The following CSNK2A2IP variants were observed in gnomAD, a reference collection of about 807,000 sequenced individuals.
The protein encoded by CSNK2A2IP is casein kinase II subunit alpha'-interacting protein.
the CSNK2A2IP span, among the ~76,000 whole-genome samples, chr3:88,426,592 C>T: frequency 6.6e-6 from 1 of 152,180 alleles, no homozygotes; most frequent in Non-Finnish European, 1.5e-5. Context: ...GTAATTTAAT[C>T]ATGGGGGGCA....
the CSNK2A2IP span, among the ~76,000 whole-genome samples, chr3:88,400,854 A>C: frequency 6.6e-6 from 1 of 152,206 alleles, no homozygotes; most frequent in Non-Finnish European, 1.5e-5. Flanking sequence ...ACAAGAAACT[A>C]ATGTAAAAGT....
chr3:88,445,944 T>TTC, the CSNK2A2IP span, among the ~76,000 whole-genome samples: 7 of 136,828 alleles, frequency 5.1e-5, no homozygotes, highest in Admixed American at 5.0e-4. Context: ...CTTTCTTTCT[T>TTC]TCTCTCTCTC....
At chr3:88,395,488 A>G in the CSNK2A2IP span, among the ~76,000 whole-genome samples, 1 of 152,232 alleles carries the variant, frequency 6.6e-6, no homozygotes, top group African/African-American at 2.4e-5. Flanking sequence ...TTACCTGTAC[A>G]TCTAATTTAG....
chr3:88,427,231 C>T, the CSNK2A2IP span, among the ~76,000 whole-genome samples: 3 of 152,156 alleles, frequency 2.0e-5, no homozygotes, highest in African/African-American at 7.2e-5. Flanking sequence ...AGAGGCTGCC[C>T]TTGCCCTAGA....
At chr3:88,403,419 A>G in the CSNK2A2IP span, among the ~76,000 whole-genome samples, 5 of 152,140 alleles carry the variant, frequency 3.3e-5, no homozygotes, top group Non-Finnish European at 7.4e-5. Flanking sequence ...TGAGAAAAAG[A>G]CCAGCTTGTC....
At chr3:88,363,896 G>C in the CSNK2A2IP span, among the ~76,000 whole-genome samples, 1 of 152,148 alleles carries the variant, frequency 6.6e-6, no homozygotes, top group Non-Finnish European at 1.5e-5. Flanking sequence ...GTTAGTGCTA[G>C]GGCATTGTTC....
chr3:88,450,373 T>C, the CSNK2A2IP span, among the ~76,000 whole-genome samples: 66 of 152,272 alleles, frequency 4.3e-4, no homozygotes, highest in African/African-American at 1.6e-3. Flanking sequence ...TCGTTACTTA[T>C]AATTCTCATG....
chr3:88,348,544 A>G, the CSNK2A2IP span, among the ~76,000 whole-genome samples: 1 of 152,124 alleles, frequency 6.6e-6, no homozygotes, highest in African/African-American at 2.4e-5. Context: ...TCTAAATGTC[A>G]TCTAAGTAAG....
the CSNK2A2IP span, chr3:88,465,200 T>C: frequency 2.4e-6 from 1 of 421,350 alleles, no homozygotes; most frequent in Non-Finnish European, 4.0e-6. Flanking sequence ...TGGAATAGTC[T>C]ATAATATTTG....
the CSNK2A2IP span, among the ~76,000 whole-genome samples, chr3:88,399,425 A>C: frequency 1.3e-5 from 2 of 152,174 alleles, no homozygotes; most frequent in Admixed American, 1.3e-4. Flanking sequence ...CAAACGCCTC[A>C]CTCACTCTGC....
At chr3:88,423,320 C>A in the CSNK2A2IP span, among the ~76,000 whole-genome samples, 5 of 152,012 alleles carry the variant, frequency 3.3e-5, no homozygotes, top group African/African-American at 7.2e-5. Context: ...AGAAATTGAT[C>A]GTCTATATTA....
the CSNK2A2IP span, among the ~76,000 whole-genome samples, chr3:88,392,536 A>C: frequency 6.6e-6 from 1 of 152,196 alleles, no homozygotes; most frequent in African/African-American, 2.4e-5. Context: ...GTGACATGAA[A>C]ATTTAGTAAA....
the CSNK2A2IP span, among the ~76,000 whole-genome samples, chr3:88,438,881 C>G: frequency 6.6e-6 from 1 of 151,812 alleles, no homozygotes; most frequent in Non-Finnish European, 1.5e-5. Context: ...GGAAAGATAC[C>G]ACATTTTTTT....
the CSNK2A2IP span, among the ~76,000 whole-genome samples, chr3:88,370,491 C>T: frequency 6.6e-6 from 1 of 151,538 alleles, no homozygotes; most frequent in Non-Finnish European, 1.5e-5. Flanking sequence ...TTTTGTTATT[C>T]AGCATTCACA....
chr3:88,448,234 C>T, the CSNK2A2IP span, among the ~76,000 whole-genome samples: 1 of 152,156 alleles, frequency 6.6e-6, no homozygotes, highest in African/African-American at 2.4e-5. Context: ...GGATCCTACA[C>T]CTTGACAAAT....
the CSNK2A2IP span, among the ~76,000 whole-genome samples, chr3:88,386,134 C>CT: frequency 6.8e-6 from 1 of 147,414 alleles, no homozygotes; most frequent in Admixed American, 6.7e-5. Flanking sequence ...TTTTTTTTTT[C>CT]TTTTTTTGAG....
At chr3:88,368,111 G>A in the CSNK2A2IP span, among the ~76,000 whole-genome samples, 1 of 151,924 alleles carries the variant, frequency 6.6e-6, no homozygotes, top group Non-Finnish European at 1.5e-5. Flanking sequence ...TAAGTTTGAA[G>A]GAATTCTATT....
At chr3:88,418,186 T>C in the CSNK2A2IP span, among the ~76,000 whole-genome samples, 1 of 152,186 alleles carries the variant, frequency 6.6e-6, no homozygotes, top group Non-Finnish European at 1.5e-5. Flanking sequence ...AATTTATTGG[T>C]AATTTCATTG....
At chr3:88,389,826 C>CTT in the CSNK2A2IP span, among the ~76,000 whole-genome samples, 5 of 143,548 alleles carry the variant, frequency 3.5e-5, no homozygotes, top group African/African-American at 1.3e-4. Flanking sequence ...AAACCCTGTA[C>CTT]TTTTTTTTTT....
Sources: gnomAD v4.1 joint callset for allele counts (sites outside exome capture counted in the v4.1 genomes callset) on GRCh38, gnomAD v4.1.1 for gene constraint, MANE v1.5 for transcripts, NCBI Gene and HGNC (gene_info 2026-07-23, HGNC 2026-07-21) for gene names.